Variants in PLEKHA6 observed in about 807,000 individuals in gnomAD.
PLEKHA6 encodes the protein pleckstrin homology domain-containing family A member 6.
A neutral mutation model predicts 116.7 loss-of-function variants in PLEKHA6; 60 were observed. The observed-to-expected ratio is 0.51, with a 90% CI of 0.42 to 0.64. The LOEUF is 0.64. Ranked by LOEUF, PLEKHA6 falls within the 30% of genes least tolerant of loss-of-function variation. The pLI, the probability that PLEKHA6 is intolerant of heterozygous loss-of-function variation, is 0.00. For synonymous variants in PLEKHA6, 489 were observed against 556.1 expected, an observed-to-expected ratio of 0.88 and a Z score of 1.70; for missense variants, 1,338 against 1,422.7, an observed-to-expected ratio of 0.94 and a Z score of 0.96.
chr1:204,268,149 C>T, intron 4 of PLEKHA6, 59 bp downstream of exon 4: 1 of 1,104,972 alleles, frequency 9.1e-7, no homozygotes, highest in Non-Finnish European at 1.4e-6. Flanking sequence ...ACAGAGGAAT[C>T]CTTATTCTGT....
At chr1:204,256,751 G>A (rs1209216617) in intron 9 of PLEKHA6, 5 of 514,768 alleles carry the variant, frequency 9.7e-6, no homozygotes, top group Non-Finnish European at 1.7e-5. Context: ...ACCCTGAGTG[G>A]AGCACGGTGC....
intron 1 of PLEKHA6, among the ~76,000 whole-genome samples, chr1:204,347,827 CAGAG>C (rs1362872902): frequency 6.6e-6 from 1 of 152,070 alleles, no homozygotes; most frequent in East Asian, 1.9e-4. Context: ...GGGTAGATGG[CAGAG>C]TATATGGATG....
intron 1 of PLEKHA6, among the ~76,000 whole-genome samples, chr1:204,332,375 T>TC (rs1182856656): frequency 6.6e-6 from 1 of 151,856 alleles, no homozygotes; most frequent in African/African-American, 2.4e-5. Flanking sequence ...CAGTCCTCAC[T>TC]GTTTGTTTTT....
In PLEKHA6 at chr1:204,241,453, C is replaced by T. The variant is rs151293148; in HGVS notation, c.2331G>A (p.Ser777=). ...KVGVVPPRTK[S]PTDDEVTPSA... is the part of the protein sequence containing the mutation. ...ATGGGGTCACCTCATCATCAGTGGG[C>T]GATTTTGTCCGAGGGGGCACAACGC... Residue 777 remains serine (S), a synonymous_variant, in exon 17 of 23, where the codon TCG becomes TCA. Transcript: ENST00000272203. 4,021 of 1,607,424 alleles carry T rather than the reference C, an allele frequency of 2.5e-3. 28 individuals carry two copies. The highest frequency in any genetic ancestry group is 9.9e-3 in the South Asian group (889 of 89,946).
intron 6 of PLEKHA6, among the ~76,000 whole-genome samples, chr1:204,264,175 A>T (rs1666495979): frequency 6.6e-6 from 1 of 152,228 alleles, no homozygotes; most frequent in Admixed American, 6.5e-5. Context: ...TTATATTTGG[A>T]AAATGAAAAG....
chr1:204,287,437 G>C (rs1205852410), intron 1 of PLEKHA6, among the ~76,000 whole-genome samples: 1 of 152,080 alleles, frequency 6.6e-6, no homozygotes, highest in African/African-American at 2.4e-5. Flanking sequence ...GGACCTGAAG[G>C]GGAAGTTGAG....
chr1:204,378,047 G>A (rs1407463412), upstream of PLEKHA6: 3 of 152,290 alleles, frequency 2.0e-5, no homozygotes, highest in Non-Finnish European at 2.9e-5. Context: ...GCAGCGCTGG[G>A]TCTCCGTTCC....
At chr1:204,351,348 C>T (rs965668295) in intron 1 of PLEKHA6, among the ~76,000 whole-genome samples, 5 of 152,190 alleles carry the variant, frequency 3.3e-5, no homozygotes, top group African/African-American at 7.2e-5. Flanking sequence ...TCACCCAAGC[C>T]GAACCCGACC....
At chr1:204,321,573 C>A (rs906146204) in intron 1 of PLEKHA6, among the ~76,000 whole-genome samples, 2 of 151,752 alleles carry the variant, frequency 1.3e-5, no homozygotes, top group African/African-American at 4.8e-5. Context: ...TTCCACCCTA[C>A]CCTTCCCATA....
At chr1:204,243,186 A>G (rs1663094433) in intron 15 of PLEKHA6, 2 of 399,196 alleles carry the variant, frequency 5.0e-6, no homozygotes, top group Non-Finnish European at 8.8e-6. Context: ...GGCTCTCGCT[A>G]GGGAGTGGAG....
At chr1:204,249,026 G>T in intron 11 of PLEKHA6, 56 bp from the exon 12 acceptor site, 1 of 1,582,152 alleles carries the variant, frequency 6.3e-7, no homozygotes, top group South Asian at 1.1e-5. Context: ...CTCTGGGATT[G>T]AACAGCAGAG....
intron 1 of PLEKHA6, among the ~76,000 whole-genome samples, chr1:204,333,117 C>T (rs1672518524): frequency 6.6e-6 from 1 of 152,214 alleles, no homozygotes; most frequent in Non-Finnish European, 1.5e-5. Context: ...GGCACCCTGC[C>T]CAGGAGAGCC....
At chr1:204,265,361 GGAA>G (rs755951943) in intron 5 of PLEKHA6, among the ~76,000 whole-genome samples, 2 of 152,172 alleles carry the variant, frequency 1.3e-5, no homozygotes, top group Admixed American at 6.5e-5. Context: ...CTGATATTTT[GGAA>G]GCGTTCAGGC....
chr1:204,261,181 G>C lies in PLEKHA6; in HGVS notation c.524+125C>G. On this transcript the variant is annotated intron_variant, in intron 7 of 22. Coordinates refer to ENST00000272203, the MANE Select transcript of PLEKHA6 (RefSeq NM_014935.5). This position sits in a 1 kb window ranked among gnomAD's most constrained non-coding sequence, Gnocchi z 4.0. ...GCCTCCCGCCTGGATGCAAGGAGAC[G>C]GCTCACACATTCTCCAGGGCTTCAA... is the stretch of plus-strand genomic sequence containing the variant. 2 of 1,158,502 alleles carry C rather than the reference G, an allele frequency of 1.7e-6. No homozygotes were observed. The highest frequency in any genetic ancestry group is 2.6e-5 in the South Asian group (2 of 76,372). The allele number at this position is 1,158,502 out of a possible 1,614,324, so 71.8% of individuals were successfully genotyped here. A position where few individuals can be genotyped will look rare whatever the true frequency, so the allele number is the denominator to read the frequency against.
chr1:204,262,971 T>C (rs1297710666), intron 6 of PLEKHA6, among the ~76,000 whole-genome samples: 2 of 150,744 alleles, frequency 1.3e-5, no homozygotes, highest in African/African-American at 4.9e-5. Context: ...CTCGTGGGTG[T>C]GTCCTGGGGT....
chr1:204,332,667 A>G (rs753618401), intron 1 of PLEKHA6, among the ~76,000 whole-genome samples: 1 of 152,182 alleles, frequency 6.6e-6, no homozygotes, highest in Non-Finnish European at 1.5e-5. Flanking sequence ...GGCGTGAGCC[A>G]CTGCGCCTGA....
chr1:204,280,065 A>G (rs1668435451), intron 1 of PLEKHA6, among the ~76,000 whole-genome samples: 1 of 152,196 alleles, frequency 6.6e-6, no homozygotes, highest in Non-Finnish European at 1.5e-5. Flanking sequence ...TGGGAGTGCC[A>G]GGGGCAGGCA....
intron 3 of PLEKHA6, among the ~76,000 whole-genome samples, chr1:204,269,447 T>TAAAAA (rs33978260): frequency 7.1e-6 from 1 of 140,502 alleles, no homozygotes; most frequent in African/African-American, 2.7e-5. Context: ...TGCTGGAGAA[T>TAAAAA]AAAAAAAAAA....
rs1327225054 is a variant in PLEKHA6, at chr1:204,287,759, CCGAGCG to C, written c.-94-12956_-94-12951del. 3.3e-5 allele frequency among the ~76,000 whole-genome samples: 5 copies of C among 152,246 alleles called. 1 individual carries two copies. Among genetic ancestry groups the C allele is most frequent in the African/African-American group, 1.2e-4 (5 of 41,552 alleles). On this transcript the variant is annotated intron_variant, in intron 1 of 22. Transcript: ENST00000272203. The stretch of plus-strand genomic sequence containing the variant: ...CCGACGCTGCTTCTGACCAGAGCTA[CCGAGCG>C]CCTCTCTGGAGACAATGGCTCAGAG...
Sources: allele counts gnomAD v4.1 joint callset (sites outside exome capture counted in the v4.1 genomes callset), GRCh38; gene constraint gnomAD v4.1.1; non-coding constraint Gnocchi (gnomAD v3.1); transcripts MANE v1.5; gene names NCBI Gene and HGNC (gene_info 2026-07-23, HGNC 2026-07-21).